Variants in ATRNL1 observed in about 807,000 individuals in gnomAD.
ATRNL1 encodes attractin like 1, also known as attractin-like protein 1.
In ATRNL1, 95 loss-of-function variants were observed where a neutral mutation model predicts 182.7. The ratio of observed to expected loss-of-function variants is 0.52; its 90% confidence interval spans 0.44 to 0.62. The LOEUF is 0.62. Ranked by LOEUF, ATRNL1 falls within the 20% of genes least tolerant of loss-of-function variation. The pLI is 0.00. For synonymous variants in ATRNL1, 576 were observed against 568.3 expected (o/e 1.01, Z -0.19); for missense variants, 1,471 against 1,679.5 (o/e 0.88, Z 2.17).
At chr10:115,802,045 C>CACACACACACACACACAT in intron 27 of ATRNL1, among the ~76,000 whole-genome samples, 1 of 67,066 alleles carries the variant, frequency 1.5e-5, no homozygotes, top group East Asian at 5.7e-4. Context: ...CACACACACA[C>CACACACACACACACACAT]AAAACAAAAA....
intron 19 of ATRNL1, among the ~76,000 whole-genome samples, chr10:115,360,115 T>C (rs770003528): frequency 2.0e-5 from 3 of 151,618 alleles, no homozygotes; most frequent in Non-Finnish European, 4.4e-5. Context: ...TAATCGTTTA[T>C]TTCATATATT....
rs532942444 is a variant in ATRNL1, at chr10:115,302,100, G to T, written c.2818+57G>T. Reference sequence around the variant, plus strand: ...GACAGCAACGTAAATTTACTTTTCTGTGATGTAAAGAAGAATTAAATATTT... The same window carrying T: ...GACAGCAACGTAAATTTACTTTTCTTTGATGTAAAGAAGAATTAAATATTT... On this transcript the variant is annotated intron_variant, in intron 17 of 28. Transcript: ENST00000355044. The T allele has an allele frequency of 1.9e-5, 27 of 1,385,636 alleles. 1 individual carries two copies. In the African/African-American group the frequency reaches 3.8e-4, roughly 20 times the overall value. 85.8% of individuals were successfully genotyped at this position (1,385,636 alleles called of 1,614,324 possible). A position where few individuals can be genotyped will look rare whatever the true frequency, so the allele number is the denominator to read the frequency against.
intron 20 of ATRNL1, among the ~76,000 whole-genome samples, chr10:115,403,889 T>C (rs1436463814): frequency 6.6e-6 from 1 of 152,238 alleles, no homozygotes; most frequent in East Asian, 1.9e-4. Flanking sequence ...TGAGGAACTC[T>C]TATGCTTGCT....
At chr10:115,358,611 T>C (rs1856604714) in intron 19 of ATRNL1, among the ~76,000 whole-genome samples, 1 of 151,690 alleles carries the variant, frequency 6.6e-6, no homozygotes, top group Non-Finnish European at 1.5e-5. Flanking sequence ...ATAAAGATTT[T>C]AGTATACCTA....
chr10:115,237,796 C>G (rs1399356983), intron 9 of ATRNL1, among the ~76,000 whole-genome samples: 1 of 152,096 alleles, frequency 6.6e-6, no homozygotes, highest in Non-Finnish European at 1.5e-5. Flanking sequence ...AATGTCATCA[C>G]CAAACCCAGG....
In ATRNL1 at chr10:115,265,281, A is replaced by G; in HGVS notation, c.1772+4A>G. The G allele has an allele frequency of 6.3e-7, 1 of 1,578,016 alleles. No individual in the cohort carries two copies. Among genetic ancestry groups the G allele is most frequent in the Non-Finnish European group, 8.6e-7 (1 of 1,157,762 alleles). On this transcript the variant is annotated splice_donor_region_variant and intron_variant, in intron 11 of 28. Coordinates refer to ENST00000355044, the MANE Select transcript of ATRNL1 (RefSeq NM_207303.4). ...ACTCTGCAGTAGTCATTAACGGGTA[A>G]AAGAAGCACATTTCCAATTTTTAGA...
intron 13 of ATRNL1, among the ~76,000 whole-genome samples, chr10:115,271,256 A>G (rs1851850218): frequency 6.6e-6 from 1 of 151,968 alleles, no homozygotes; most frequent in South Asian, 2.1e-4. Context: ...GTAAGTGATC[A>G]TGTGGTTGTA....
chr10:115,621,254 A>AATATATATATATATATATATATAT (rs781830067), intron 26 of ATRNL1, among the ~76,000 whole-genome samples: 1 of 71,312 alleles, frequency 1.4e-5, no homozygotes, highest in African/African-American at 7.1e-5. Context: ...TTGAGCTCTG[A>AATATATATATATATATATATATAT]ATATATATAT....
chr10:115,317,866 TC>T (rs1161551512), intron 18 of ATRNL1, among the ~76,000 whole-genome samples: 1 of 152,204 alleles, frequency 6.6e-6, no homozygotes, highest in African/African-American at 2.4e-5. Context: ...CTTCTTCTCT[TC>T]CTGTTTGAAT....
chr10:115,808,922 T>G (rs782684938), intron 27 of ATRNL1, among the ~76,000 whole-genome samples: 1 of 152,154 alleles, frequency 6.6e-6, no homozygotes, highest in Non-Finnish European at 1.5e-5. Flanking sequence ...TAACTCAAGG[T>G]AACAAGGATT....
intron 21 of ATRNL1, among the ~76,000 whole-genome samples, chr10:115,459,989 T>G (rs1340191292): frequency 6.6e-6 from 1 of 152,188 alleles, no homozygotes; most frequent in African/African-American, 2.4e-5. Flanking sequence ...TCAGCTGCAT[T>G]TGTCCAAGGT....
intron 27 of ATRNL1, among the ~76,000 whole-genome samples, chr10:115,812,628 C>T (rs1950072866): frequency 1.3e-5 from 2 of 152,074 alleles, no homozygotes; most frequent in East Asian, 3.9e-4. Flanking sequence ...AGGTGCACAC[C>T]ACCACACCCA....
chr10:115,894,907 A>G (rs889336550), intron 28 of ATRNL1, among the ~76,000 whole-genome samples: 15 of 152,126 alleles, frequency 9.9e-5, no homozygotes, highest in African/African-American at 3.4e-4. Context: ...CTCTAGGTCA[A>G]TTAGATGGCT....
At chr10:115,504,144 A>G (rs1849989916) in intron 24 of ATRNL1, among the ~76,000 whole-genome samples, 1 of 152,034 alleles carries the variant, frequency 6.6e-6, no homozygotes, top group Non-Finnish European at 1.5e-5. Flanking sequence ...TTATCCCATT[A>G]CATTTACCTA....
intron 1 of ATRNL1, among the ~76,000 whole-genome samples, chr10:115,109,314 T>C (rs1285652258): frequency 1.3e-5 from 2 of 152,200 alleles, no homozygotes; most frequent in East Asian, 3.8e-4. Context: ...ACTTGAGACC[T>C]AGTGATTTAT....
intron 27 of ATRNL1, 115 bp from the exon 28 acceptor site, chr10:115,847,762 G>A: frequency 4.6e-6 from 3 of 656,978 alleles, no homozygotes; most frequent in Middle Eastern, 2.5e-4. Flanking sequence ...AACACATGGT[G>A]TGTCCTGAAC....
intron 21 of ATRNL1, among the ~76,000 whole-genome samples, chr10:115,448,824 T>A (rs1361586914): frequency 2.6e-5 from 4 of 152,016 alleles, no homozygotes; most frequent in African/African-American, 9.7e-5. Flanking sequence ...AAACTGCAAT[T>A]ACTTTTGCTC....
At chr10:115,312,625 G>A (rs1554928217) in intron 17 of ATRNL1, among the ~76,000 whole-genome samples, 2 of 152,112 alleles carry the variant, frequency 1.3e-5, no homozygotes, top group African/African-American at 4.8e-5. Context: ...GGAGCTCTTT[G>A]AGCTTCTTGT....
intron 26 of ATRNL1, among the ~76,000 whole-genome samples, chr10:115,720,429 C>A (rs1555057454): frequency 1.3e-5 from 2 of 150,412 alleles, no homozygotes. Flanking sequence ...AAGGACCATA[C>A]TTGTAAAAGT....
Sources: gnomAD v4.1 joint callset for allele counts (sites outside exome capture counted in the v4.1 genomes callset) on GRCh38, gnomAD v4.1.1 for gene constraint, MANE v1.5 for transcripts, NCBI Gene and HGNC (gene_info 2026-07-23, HGNC 2026-07-21) for gene names.